CCDC7: variants seen among roughly 807,000 people sequenced by gnomAD.
CCDC7 encodes the protein coiled-coil domain containing 7.
A neutral mutation model predicts 196.9 loss-of-function variants in CCDC7; 183 were observed. That is an observed-to-expected ratio of 0.93 (90% CI 0.82 to 1.05). The LOEUF is 1.05. CCDC7 is among the 50% of genes least tolerant of loss of function. The pLI, the probability that CCDC7 is intolerant of heterozygous loss-of-function variation, is 0.00. For synonymous variants in CCDC7, 525 were observed against 484.6 expected, an observed-to-expected ratio of 1.08 and a Z score of -1.10; for missense variants, 1,540 against 1,482.2, an observed-to-expected ratio of 1.04 and a Z score of -0.64.
At chr10:32,630,005 G>A (rs890937321) in intron 18 of CCDC7, among the ~76,000 whole-genome samples, 25 of 152,196 alleles carry the variant, frequency 1.6e-4, no homozygotes, top group Admixed American at 1.5e-3. Context: ...GGATTGCTGT[G>A]CTTCCTGTTT....
chr10:32,586,183 T>C (rs1035527664), intron 18 of CCDC7, among the ~76,000 whole-genome samples: 7 of 152,222 alleles, frequency 4.6e-5, no homozygotes, highest in Admixed American at 2.0e-4. Flanking sequence ...TTTTGAAAAG[T>C]GTCTGTTCAT....
chr10:32,639,349 C>T (rs1244251465), intron 20 of CCDC7, among the ~76,000 whole-genome samples: 1 of 152,016 alleles, frequency 6.6e-6, no homozygotes, highest in Non-Finnish European at 1.5e-5. Context: ...TAGATCTTTC[C>T]TGCTTTCTCT....
intron 18 of CCDC7, among the ~76,000 whole-genome samples, chr10:32,622,240 A>G (rs2063498240): frequency 6.6e-6 from 1 of 152,176 alleles, no homozygotes; most frequent in Non-Finnish European, 1.5e-5. Flanking sequence ...TTGGACCCAT[A>G]GAGTCCTATC....
At chr10:32,631,549 A>G (rs1242451074) in intron 18 of CCDC7, among the ~76,000 whole-genome samples, 2 of 152,114 alleles carry the variant, frequency 1.3e-5, no homozygotes, top group Non-Finnish European at 2.9e-5. Flanking sequence ...TTGATTACTG[A>G]AATTTTGTAC....
intron 9 of CCDC7, among the ~76,000 whole-genome samples, chr10:32,517,201 C>A (rs1029854607): frequency 1.3e-5 from 2 of 152,074 alleles, no homozygotes; most frequent in African/African-American, 2.4e-5. Context: ...CTATTTAGTT[C>A]TTTACAACTC....
At chr10:32,647,162 CT>C (rs555935016) in intron 20 of CCDC7, among the ~76,000 whole-genome samples, 217 of 152,318 alleles carry the variant, frequency 1.4e-3, no homozygotes, top group Middle Eastern at 0.014. Context: ...CTCCAAACTG[CT>C]TTCCATAGTG....
chr10:32,482,105 C>CT (rs936993683), intron 8 of CCDC7, among the ~76,000 whole-genome samples: 22 of 150,424 alleles, frequency 1.5e-4, no homozygotes, highest in Admixed American at 6.6e-4. Context: ...TTTTTCTTTT[C>CT]TTTTTTTTTA....
At chr10:32,837,625 T>C (rs4623842) in intron 33 of CCDC7, among the ~76,000 whole-genome samples, 140,435 of 152,028 alleles carry the variant, frequency 0.92, 65,841 homozygotes, top group East Asian at 1. Context: ...CACATGCACA[T>C]GTATGTTTAT....
chr10:32,583,027 T>G lies in CCDC7; in HGVS notation c.1455-7T>G. On this transcript the variant is annotated splice_polypyrimidine_tract_variant and splice_region_variant and intron_variant, in intron 16 of 41. Transcript: ENST00000639629. Reference sequence around the variant, plus strand: ...AATCTAATACCAGATGTTTTATAATTCTAAAGCTCAGAGAAGAAACGATCT... The same window carrying G: ...AATCTAATACCAGATGTTTTATAATGCTAAAGCTCAGAGAAGAAACGATCT... 1 of 1,230,436 alleles carries G rather than the reference T, an allele frequency of 8.1e-7. No homozygotes were observed. The highest frequency in any genetic ancestry group is 1.6e-5 in the African/African-American group (1 of 64,506). 76.2% of individuals were successfully genotyped at this position (1,230,436 alleles called of 1,614,324 possible).
intron 16 of CCDC7, among the ~76,000 whole-genome samples, chr10:32,580,546 T>G (rs2990963): frequency 0.14 from 21,032 of 152,114 alleles, 1,760 homozygotes; most frequent in East Asian, 0.26. Context: ...TTCTATAAAA[T>G]TGATTTTTAG....
At position 32,506,717 on chromosome 10, in the gene CCDC7, C is replaced by T. The variant is rs560424435; in HGVS notation, c.873-11228C>T. Among the ~76,000 whole-genome samples, 1,308 of 147,744 alleles carry T rather than the reference C, an allele frequency of 8.9e-3. 28 individuals are homozygous for T. The highest frequency in any genetic ancestry group is 0.032 in the African/African-American group (1,207 of 37,342). The stretch of plus-strand genomic sequence containing the variant: ...AAATACAAAAATCAGTCAGTAGTGG[C>T]GGTGTGTGCCTGGAATCCCAGGCAC... On this transcript the variant is annotated intron_variant, in intron 9 of 41. Coordinates refer to ENST00000639629, the Ensembl canonical transcript of CCDC7.
chr10:32,682,521 C>T (rs543022065), intron 21 of CCDC7, among the ~76,000 whole-genome samples: 24 of 152,240 alleles, frequency 1.6e-4, no homozygotes, highest in Non-Finnish European at 2.6e-4. Context: ...TTCCCAGTAA[C>T]GGGGTTGCTG....
chr10:32,706,698 A>G (rs899151985), intron 24 of CCDC7, among the ~76,000 whole-genome samples: 4 of 152,172 alleles, frequency 2.6e-5, no homozygotes, highest in African/African-American at 9.7e-5. Context: ...ACACCTCTAC[A>G]CAACTAAACT....
chr10:32,575,825 A>G (rs1023521109), intron 16 of CCDC7, among the ~76,000 whole-genome samples: 5 of 152,196 alleles, frequency 3.3e-5, no homozygotes, highest in African/African-American at 1.2e-4. Flanking sequence ...AGATCTCTCC[A>G]TCAGCCCTGG....
chr10:32,845,315 A>C, exon 34 of CCDC7: 1 of 1,566,158 alleles, frequency 6.4e-7, no homozygotes, highest in Non-Finnish European at 8.7e-7. Flanking sequence ...GCACAACTAA[A>C]GGGTCACCAA....
chr10:32,574,573 A>C, intron 16 of CCDC7: 1 of 1,143,258 alleles, frequency 8.7e-7, no homozygotes, highest in Non-Finnish European at 1.1e-6. Flanking sequence ...AACATTTATC[A>C]GTTTATTTTG....
chr10:32,550,383 T>G (rs2136298690), intron 13 of CCDC7, among the ~76,000 whole-genome samples: 1 of 152,288 alleles, frequency 6.6e-6, no homozygotes, highest in South Asian at 2.1e-4. Flanking sequence ...CTTTACTGAT[T>G]TGGGTGTCTT....
upstream of CCDC7, among the ~76,000 whole-genome samples, chr10:32,448,823 AT>A (rs1027715113): frequency 5.3e-5 from 8 of 151,916 alleles, no homozygotes; most frequent in African/African-American, 9.7e-5. Flanking sequence ...AATTATTTAT[AT>A]TTTTTTCAAA....
At chr10:32,588,894 G>A (rs1447770401) in intron 18 of CCDC7, among the ~76,000 whole-genome samples, 1 of 151,682 alleles carries the variant, frequency 6.6e-6, no homozygotes, top group Non-Finnish European at 1.5e-5. Context: ...TACCTAGTTG[G>A]TGTATATATT....
Sources: allele counts gnomAD v4.1 joint callset (sites outside exome capture counted in the v4.1 genomes callset), GRCh38; gene constraint gnomAD v4.1.1; transcripts MANE v1.5; gene names NCBI Gene and HGNC (gene_info 2026-07-23, HGNC 2026-07-21).